RBM19: variants seen among roughly 807,000 people sequenced by gnomAD.
The protein encoded by RBM19 is probable RNA-binding protein 19.
RBM19 carries 94 observed loss-of-function variants against 116.8 expected under a neutral mutation model. The ratio of observed to expected loss-of-function variants is 0.80; its 90% CI spans 0.68 to 0.95. RBM19 has a LOEUF of 0.95. RBM19 is among the 40% of genes least tolerant of loss of function. RBM19 has a pLI of 0.00. For synonymous variants in RBM19, 475 were observed against 494.1 expected (o/e 0.96, Z 0.51); for missense variants, 1,161 against 1,220.7 (o/e 0.95, Z 0.73).
chr12:113,936,346 G>C (rs952723875), intron 16 of RBM19, among the ~76,000 whole-genome samples: 1 of 152,288 alleles, frequency 6.6e-6, no homozygotes, highest in African/African-American at 2.4e-5. Context: ...TCCTCGATGC[G>C]GGGGATACAC....
chr12:113,913,141 A>G (rs1379796288), intron 21 of RBM19, among the ~76,000 whole-genome samples: 4 of 152,150 alleles, frequency 2.6e-5, no homozygotes, highest in Non-Finnish European at 4.4e-5. Flanking sequence ...GTTTCCCCGG[A>G]TAAGTGTCAT....
At position 113,947,375 on chromosome 12, in the gene RBM19, C is replaced by T. The variant is rs780824297; in HGVS notation, c.1366G>A (p.Ala456Thr). The T allele has an allele frequency of 6.2e-6, 10 of 1,608,926 alleles. No individual in the cohort carries two copies. Among genetic ancestry groups the T allele is most frequent in the South Asian group, 1.1e-5 (1 of 90,910 alleles). Residue 456 changes from alanine to threonine, a missense_variant, in exon 11 of 24, where the codon GCT becomes ACT. Transcript: ENST00000261741. ...TCCACCTCCGAGTAGGCCTTCACAG[C>T]GTGCTCAGGGAACATGAAGGTGATG... ...AFITFMFPEH[A>T]VKAYSEVDGQ...
intron 21 of RBM19, among the ~76,000 whole-genome samples, chr12:113,886,297 T>TA (rs1880512759): frequency 6.6e-6 from 1 of 152,178 alleles, no homozygotes; most frequent in Non-Finnish European, 1.5e-5. Flanking sequence ...CATGCCCGGC[T>TA]AATTTTTAAA....
chr12:113,959,119 C>G, intron 5 of RBM19, 93 bp downstream of exon 5: 2 of 1,419,004 alleles, frequency 1.4e-6, no homozygotes, highest in South Asian at 2.7e-5. Flanking sequence ...TCACCTGACT[C>G]CTAGAGTCTG....
At chr12:113,965,793 A>AT (rs1020877635) in intron 1 of RBM19, among the ~76,000 whole-genome samples, 2 of 152,182 alleles carry the variant, frequency 1.3e-5, no homozygotes, top group African/African-American at 2.4e-5. Flanking sequence ...GCAGATTAAT[A>AT]TTCCCCATGT....
intron 14 of RBM19, among the ~76,000 whole-genome samples, chr12:113,941,386 C>T (rs1327521484): frequency 1.3e-5 from 2 of 152,196 alleles, no homozygotes; most frequent in Admixed American, 1.3e-4. Flanking sequence ...GACTTCACCC[C>T]TCTGTGACTG....
At chr12:113,868,732 G>T (rs1050260084) in intron 21 of RBM19, among the ~76,000 whole-genome samples, 18 of 152,194 alleles carry the variant, frequency 1.2e-4, no homozygotes, top group African/African-American at 3.4e-4. Flanking sequence ...CAGAAGGGCC[G>T]AACATACACA....
At chr12:113,872,431 TG>T (rs1879303854) in intron 21 of RBM19, among the ~76,000 whole-genome samples, 1 of 117,630 alleles carries the variant, frequency 8.5e-6, no homozygotes, top group African/African-American at 3.2e-5. Context: ...CCGCCCCGTC[TG>T]GGAGGTGAGG....
chr12:113,844,203 C>G (rs1470598707), intron 23 of RBM19, among the ~76,000 whole-genome samples: 1 of 152,170 alleles, frequency 6.6e-6, no homozygotes. Flanking sequence ...GGAAGTGGAC[C>G]GGGTCATGGA....
Position 113,914,960 on chromosome 12 carries a change from A to C in RBM19, c.2558+9T>G, listed in dbSNP as rs765967805. 10 of 1,609,144 alleles carry C rather than the reference A, an allele frequency of 6.2e-6. No homozygotes were observed. The African/African-American group carries it at 1.3e-4, about 22-fold the overall frequency. On this transcript the variant is annotated intron_variant, in intron 21 of 23. Transcript: ENST00000261741. ...CGCCAGTCCCCTGGACTAAACCTGA[A>C]GTTCTCACCTGAAGAGCTCTCGGAT...
At chr12:113,944,093 GTTTTTT>G (rs71433305) in intron 13 of RBM19, among the ~76,000 whole-genome samples, 3 of 67,664 alleles carry the variant, frequency 4.4e-5, no homozygotes, top group Non-Finnish European at 7.7e-5. Flanking sequence ...CCAGATGCAT[GTTTTTT>G]TTTTTTTTTT....
At chr12:113,962,790 T>A (rs1289945633) in intron 1 of RBM19, among the ~76,000 whole-genome samples, 1 of 152,224 alleles carries the variant, frequency 6.6e-6, no homozygotes, top group African/African-American at 2.4e-5. Flanking sequence ...GTAAGCTATA[T>A]ATATCTTTGT....
chr12:113,867,633 A>G (rs1878922413), intron 21 of RBM19, among the ~76,000 whole-genome samples: 1 of 152,198 alleles, frequency 6.6e-6, no homozygotes, highest in African/African-American at 2.4e-5. Context: ...AAATTAGGAA[A>G]TTTAAGGCCA....
At chr12:113,828,112 A>C (rs1007099969) in intron 23 of RBM19, among the ~76,000 whole-genome samples, 7 of 151,626 alleles carry the variant, frequency 4.6e-5, no homozygotes, top group African/African-American at 1.5e-4. Flanking sequence ...AAAAAAAAAA[A>C]AAAAAAAAAG....
At chr12:113,853,139 C>A (rs1877597213) in intron 22 of RBM19, among the ~76,000 whole-genome samples, 1 of 152,250 alleles carries the variant, frequency 6.6e-6, no homozygotes, top group South Asian at 2.1e-4. Context: ...ACTGGCATCC[C>A]CCAGGCTGGG....
intron 13 of RBM19, among the ~76,000 whole-genome samples, chr12:113,942,785 A>AT (rs1299452053): frequency 6.6e-6 from 1 of 151,710 alleles, no homozygotes; most frequent in Non-Finnish European, 1.5e-5. Flanking sequence ...TCATTTTTAT[A>AT]TTTTTTGTAG....
At chr12:113,942,528 T>C (rs1870668658) in intron 13 of RBM19, 94 bp from the exon 14 acceptor site, 1 of 985,904 alleles carries the variant, frequency 1.0e-6, no homozygotes, top group East Asian at 2.6e-5. Context: ...GAGGCTGGGA[T>C]GGAAATGGAT....
In RBM19 at chr12:113,956,771, C is replaced by T. The variant is rs559038806; in HGVS notation, c.840+1011G>A. 1.2e-4 allele frequency among the ~76,000 whole-genome samples: 19 copies of T among 152,144 alleles called. No homozygotes were observed. The East Asian group carries it at 1.7e-3, about 14-fold the overall frequency. ...CGTTTATGATCTCGACTTCAGACCC[C>T]ACAGACCTGGGGCTAAGTCCTGAAC... On this transcript the variant is annotated intron_variant, in intron 6 of 23. Transcript: ENST00000261741.
intron 1 of RBM19, 35 bp from the exon 2 acceptor site, chr12:113,962,449 G>A (rs201952111): frequency 2.0e-4 from 321 of 1,588,002 alleles, no homozygotes; most frequent in Admixed American, 1.2e-3. Flanking sequence ...AGACGAACTG[G>A]AAAGTCCCCA....
Sources: allele counts gnomAD v4.1 joint callset (sites outside exome capture counted in the v4.1 genomes callset), GRCh38; gene constraint gnomAD v4.1.1; transcripts MANE v1.5; gene names NCBI Gene and HGNC (gene_info 2026-07-23, HGNC 2026-07-21).